The following CGNL1 variants were observed in gnomAD, a reference collection of about 807,000 sequenced individuals.
CGNL1 encodes the protein cingulin-like protein 1.
Under a neutral mutation model 141.2 loss-of-function variants are expected in CGNL1, and 132 were observed. That is an observed-to-expected ratio of 0.93 (90% CI 0.81 to 1.08). CGNL1 has a LOEUF of 1.08. Among genes scored for constraint, CGNL1 ranks in the 50% least tolerant of loss-of-function variants. CGNL1 has a pLI of 0.00. For synonymous variants in CGNL1, 690 were observed against 622.1 expected, an observed-to-expected ratio of 1.11 and a Z score of -1.63; for missense variants, 1,870 against 1,588.6, an observed-to-expected ratio of 1.18 and a Z score of -3.01.
intron 1 of CGNL1, among the ~76,000 whole-genome samples, chr15:57,432,391 C>G (rs1209334101): frequency 2.6e-5 from 4 of 152,212 alleles, no homozygotes; most frequent in Admixed American, 2.0e-4. Context: ...ATGTTTCTAT[C>G]TGGCATATGT....
chr15:57,401,147 T>C (rs1363841027), intron 1 of CGNL1, among the ~76,000 whole-genome samples: 1 of 152,136 alleles, frequency 6.6e-6, no homozygotes, highest in African/African-American at 2.4e-5. Context: ...ATATAAATTT[T>C]TGTTGGTTGT....
At position 57,523,523 on chromosome 15, in the gene CGNL1, A is replaced by G; in HGVS notation, c.2750A>G (p.Gln917Arg). 1.9e-6 allele frequency: 3 copies of G among 1,614,202 alleles called. No homozygotes were observed. The highest frequency in any genetic ancestry group is 2.5e-6 in the Non-Finnish European group (3 of 1,180,028). The change falls in exon 11 of 19, where the codon CAG becomes CGG. Residue 917 changes from glutamine (Q) to arginine (R), a missense_variant. Transcript: ENST00000281282. ...AGTCAGACTACCCAGGAGCAGAAGC[A>G]GTTGTCTGAGAAGCTCAAAGAGGAG... ...NLSQTTQEQK[Q>R]LSEKLKEESE... is the part of the protein sequence containing the mutation.
intron 8 of CGNL1, among the ~76,000 whole-genome samples, chr15:57,500,180 G>A (rs1286626547): frequency 3.3e-5 from 5 of 152,150 alleles, no homozygotes; most frequent in African/African-American, 1.2e-4. Context: ...TTTTCCTTTG[G>A]TGGGTGGCCA....
chr15:57,534,213 C>T (rs1019064329), intron 14 of CGNL1, among the ~76,000 whole-genome samples: 1 of 152,190 alleles, frequency 6.6e-6, no homozygotes, highest in Admixed American at 6.5e-5. Context: ...CTTTCCCTAC[C>T]AGCTCTCTTT....
intron 1 of CGNL1, among the ~76,000 whole-genome samples, chr15:57,410,038 G>A (rs1394551322): frequency 6.6e-6 from 1 of 152,202 alleles, no homozygotes; most frequent in East Asian, 1.9e-4. Context: ...CTTCAGCTGA[G>A]ATGGTTTGGG....
intron 1 of CGNL1, chr15:57,405,082 G>A (rs2062700800): frequency 6.6e-6 from 1 of 152,034 alleles, no homozygotes; most frequent in Non-Finnish European, 1.5e-5. Context: ...TTTGAAATAT[G>A]AGATGCTTCA....
intron 10 of CGNL1, among the ~76,000 whole-genome samples, chr15:57,519,345 G>A (rs2031080766): frequency 6.6e-6 from 1 of 152,090 alleles, no homozygotes; most frequent in Non-Finnish European, 1.5e-5. Context: ...AGGTGAAGTG[G>A]GGGCATTAAA....
chr15:57,509,619 G>A (rs965058696), intron 8 of CGNL1, among the ~76,000 whole-genome samples: 1 of 152,230 alleles, frequency 6.6e-6, no homozygotes, highest in African/African-American at 2.4e-5. Flanking sequence ...AGGGGCCAGT[G>A]TGAACACTTC....
In CGNL1 at chr15:57,547,722, C is replaced by T. The variant is rs923708802; in HGVS notation, c.*232C>T. 5 of 495,988 alleles carry T rather than the reference C, an allele frequency of 1.0e-5. No homozygotes were observed. The highest frequency in any genetic ancestry group is 1.8e-5 in the Non-Finnish European group (5 of 281,636). The allele number at this position is 495,988 out of a possible 1,614,324, so 30.7% of individuals were successfully genotyped here. Reference sequence around the variant, plus strand: ...TGCCTGAGGACCAGGAGCCACCACCCACTGGGGTGTTGTGAGAGATACACT... The same window carrying T: ...TGCCTGAGGACCAGGAGCCACCACCTACTGGGGTGTTGTGAGAGATACACT... On this transcript the variant is annotated 3_prime_UTR_variant, in exon 19 of 19. Coordinates refer to ENST00000281282, the MANE Select transcript of CGNL1 (RefSeq NM_032866.5).
intron 1 of CGNL1, among the ~76,000 whole-genome samples, chr15:57,380,835 C>G (rs1344459638): frequency 4.6e-5 from 7 of 152,182 alleles, no homozygotes; most frequent in African/African-American, 1.7e-4. Flanking sequence ...GTAAAGTAAG[C>G]TTAGTAGCGG....
chr15:57,539,991 C>T (rs1374124812), intron 14 of CGNL1, among the ~76,000 whole-genome samples: 1 of 152,200 alleles, frequency 6.6e-6, no homozygotes, highest in African/African-American at 2.4e-5. Flanking sequence ...TTCCTAAGCA[C>T]AATAAATCTG....
intron 1 of CGNL1, among the ~76,000 whole-genome samples, chr15:57,425,618 G>A (rs2062964052): frequency 6.6e-6 from 1 of 151,850 alleles, no homozygotes; most frequent in Non-Finnish European, 1.5e-5. Flanking sequence ...GCATGTGCCT[G>A]TAGTCCCAGC....
At chr15:57,522,557 T>C (rs567526977) in intron 10 of CGNL1, among the ~76,000 whole-genome samples, 1 of 152,344 alleles carries the variant, frequency 6.6e-6, no homozygotes, top group Non-Finnish European at 1.5e-5. Context: ...GATGATCCAG[T>C]CTGTGTTTGA....
At chr15:57,505,375 C>CA (rs2064087588) in intron 8 of CGNL1, among the ~76,000 whole-genome samples, 1 of 152,182 alleles carries the variant, frequency 6.6e-6, no homozygotes, top group Admixed American at 6.5e-5. Flanking sequence ...GTTACTTGCA[C>CA]AAAACCTCAC....
rs573865688 is a variant in CGNL1 at position 57,462,734 on chromosome 15, A to G, written c.2403+842A>G. Among the ~76,000 whole-genome samples the G allele has an allele frequency of 1.4e-4, 21 of 152,350 alleles. 1 individual carries two copies. The South Asian group carries it at 4.3e-3, about 32-fold the overall frequency. ...TATGGTGATTCACTGATTTTCAATT[A>G]TGGCACAGTAATTGCAAATGACAAG... On this transcript the variant is annotated intron_variant, in intron 8 of 18. Coordinates refer to ENST00000281282, the MANE Select transcript of CGNL1 (RefSeq NM_032866.5).
intron 8 of CGNL1, among the ~76,000 whole-genome samples, chr15:57,507,760 A>C (rs1384132152): frequency 6.6e-6 from 1 of 152,216 alleles, no homozygotes; most frequent in African/African-American, 2.4e-5. Flanking sequence ...TTGAAAATAA[A>C]ATGTAAACAT....
intron 1 of CGNL1, among the ~76,000 whole-genome samples, chr15:57,424,015 A>G (rs2062946290): frequency 1.3e-5 from 2 of 152,064 alleles, no homozygotes; most frequent in East Asian, 1.9e-4. Context: ...CACACCTCGA[A>G]TCTTATTGGT....
At chr15:57,508,555 G>A (rs1021552622) in intron 8 of CGNL1, among the ~76,000 whole-genome samples, 3 of 152,194 alleles carry the variant, frequency 2.0e-5, no homozygotes, top group African/African-American at 7.2e-5. Context: ...AACTCAGAGG[G>A]GGCAAGAGCT....
chr15:57,516,845 C>G lies in CGNL1; in HGVS notation c.2469C>G (p.Arg823=). 2.5e-6 allele frequency: 4 copies of G among 1,614,088 alleles called. No homozygotes were observed. Among genetic ancestry groups the G allele is most frequent in the Non-Finnish European group, 3.4e-6 (4 of 1,180,010 alleles). ...AAGACCAGGCGGGGACTGAAATGCG[C>G]GTGAAGCTTCTGCAGGAGGAGAATG... ...SEQDQAGTEM[R]VKLLQEENEK... is the part of the protein sequence containing the mutation. Residue 823 remains arginine (R), a synonymous_variant, in exon 9 of 19, where the codon CGC becomes CGG. Transcript: ENST00000281282.
Sources: gnomAD v4.1 joint callset for allele counts (sites outside exome capture counted in the v4.1 genomes callset) on GRCh38, gnomAD v4.1.1 for gene constraint, MANE v1.5 for transcripts, NCBI Gene and HGNC (gene_info 2026-07-23, HGNC 2026-07-21) for gene names.